The following ATP9A variants were observed in gnomAD, a reference collection of about 807,000 sequenced individuals.
ATP9A encodes the protein probable phospholipid-transporting ATPase IIA.
ATP9A carries 52 observed loss-of-function variants against 144.1 expected under a neutral mutation model. The ratio of observed to expected loss-of-function variants is 0.36; its 90% CI spans 0.29 to 0.45. ATP9A has a LOEUF of 0.45. Ranked by LOEUF, ATP9A falls within the 20% of genes least tolerant of loss-of-function variation. The probability of loss-of-function intolerance (pLI) is 1.00; values close to 1 mark genes in which losing one functional copy is unlikely to be tolerated. For missense variants in ATP9A, 947 were observed against 1,392.7 expected, an observed-to-expected ratio of 0.68 and a Z score of 5.09; for synonymous variants, 582 against 557.4, an observed-to-expected ratio of 1.04 and a Z score of -0.62.
intron 1 of ATP9A, chr20:51,734,753 CAAG>C (rs1568841561): frequency 9.5e-6 from 2 of 211,206 alleles, no homozygotes; most frequent in East Asian, 1.1e-4. Context: ...CCAAGAAGTA[CAAG>C]AAGAAGTGCA....
At chr20:51,688,028 A>G (rs2077531143) in intron 9 of ATP9A, among the ~76,000 whole-genome samples, 1 of 152,240 alleles carries the variant, frequency 6.6e-6, no homozygotes, top group South Asian at 2.1e-4. Flanking sequence ...CCTAGGTTCA[A>G]GTTCCAACTC....
intron 14 of ATP9A, among the ~76,000 whole-genome samples, chr20:51,649,134 A>G (rs1056737943): frequency 2.0e-5 from 3 of 152,134 alleles, no homozygotes; most frequent in Admixed American, 2.0e-4. Flanking sequence ...GTGTCTGAAC[A>G]TTACCTCCAA....
intron 23 of ATP9A, among the ~76,000 whole-genome samples, chr20:51,610,996 C>T (rs1450601047): frequency 6.6e-6 from 1 of 152,282 alleles, no homozygotes; most frequent in Non-Finnish European, 1.5e-5. Context: ...AGGCTTGAAG[C>T]TCTGTTAGCT....
chr20:51,682,836 A>G (rs1186763593), intron 9 of ATP9A, among the ~76,000 whole-genome samples: 3 of 145,096 alleles, frequency 2.1e-5, no homozygotes, highest in African/African-American at 7.7e-5. Flanking sequence ...CAGGTGATCC[A>G]GCCGCATTGG....
At chr20:51,725,532 C>G (rs2077708398) in intron 3 of ATP9A, among the ~76,000 whole-genome samples, 1 of 152,184 alleles carries the variant, frequency 6.6e-6, no homozygotes, top group African/African-American at 2.4e-5. Context: ...AGAGTCTAGA[C>G]TTGTGCCATA....
intron 10 of ATP9A, among the ~76,000 whole-genome samples, chr20:51,675,617 C>T (rs183765124): frequency 8.5e-5 from 13 of 152,322 alleles, no homozygotes; most frequent in African/African-American, 1.7e-4. Context: ...CCATGGCTCA[C>T]GCCTGTAATC....
intron 4 of ATP9A, among the ~76,000 whole-genome samples, chr20:51,698,533 T>C (rs2077579897): frequency 6.6e-6 from 1 of 152,054 alleles, no homozygotes. Context: ...CCAGACAGCA[T>C]TTACTGAACG....
chr20:51,704,959 A>G (rs1234659216), intron 4 of ATP9A, among the ~76,000 whole-genome samples: 1 of 152,186 alleles, frequency 6.6e-6, no homozygotes, highest in East Asian at 1.9e-4. Context: ...TGAGGTCCTT[A>G]GTGAAGGATC....
At chr20:51,626,733 C>T (rs940867242) in intron 17 of ATP9A, among the ~76,000 whole-genome samples, 1 of 151,530 alleles carries the variant, frequency 6.6e-6, no homozygotes, top group African/African-American at 2.4e-5. Flanking sequence ...ATACCATATG[C>T]CAAGGACTAT....
intron 1 of ATP9A, among the ~76,000 whole-genome samples, chr20:51,731,240 G>A (rs2077739782): frequency 1.3e-5 from 2 of 151,664 alleles, no homozygotes; most frequent in Non-Finnish European, 2.9e-5. Context: ...GTAGGCGGAG[G>A]TTGCAGTGAG....
At chr20:51,630,576 C>T (rs1315522608) in intron 15 of ATP9A, among the ~76,000 whole-genome samples, 1 of 152,060 alleles carries the variant, frequency 6.6e-6, no homozygotes, top group Non-Finnish European at 1.5e-5. Flanking sequence ...GTGGTGCATG[C>T]CTGTAATCCC....
intron 4 of ATP9A, among the ~76,000 whole-genome samples, chr20:51,700,171 G>A (rs1253592016): frequency 6.6e-6 from 1 of 152,054 alleles, no homozygotes; most frequent in Non-Finnish European, 1.5e-5. Context: ...TTATGTCTTG[G>A]GCTTTGGTCA....
chr20:51,706,544 T>C (rs1263713076), intron 4 of ATP9A, among the ~76,000 whole-genome samples: 2 of 152,348 alleles, frequency 1.3e-5, no homozygotes, highest in East Asian at 3.9e-4. Flanking sequence ...GAGGATTGCT[T>C]GAGCCCAGGA....
chr20:51,689,900 CAGG>C (rs1201323968), intron 8 of ATP9A, among the ~76,000 whole-genome samples: 6 of 149,608 alleles, frequency 4.0e-5, no homozygotes, highest in South Asian at 2.1e-4. Context: ...CACCTGAGGT[CAGG>C]AGTTCAAGAC....
intron 13 of ATP9A, among the ~76,000 whole-genome samples, chr20:51,669,350 CT>C (rs2077446517): frequency 6.6e-6 from 1 of 152,178 alleles, no homozygotes. Flanking sequence ...AATACTTTCT[CT>C]GAAAAGTGAC....
chr20:51,602,282 C>T (rs1484511777), intron 27 of ATP9A, among the ~76,000 whole-genome samples: 1 of 152,152 alleles, frequency 6.6e-6, no homozygotes, highest in East Asian at 1.9e-4. Flanking sequence ...CCAGAATAAG[C>T]CCCTTCTCCA....
chr20:51,644,888 A>C (rs898504404), intron 14 of ATP9A, among the ~76,000 whole-genome samples: 11 of 152,142 alleles, frequency 7.2e-5, no homozygotes, highest in African/African-American at 2.4e-4. Flanking sequence ...GGCTTCCAGG[A>C]GATACACTAA....
rs1200977513 is a variant in ATP9A at position 51,729,849 on chromosome 20, G to A, written c.198C>T (p.Phe66=). 1 of 1,589,556 alleles carries A rather than the reference G, an allele frequency of 6.3e-7. No individual in the cohort carries two copies. Among genetic ancestry groups the A allele is most frequent in the Non-Finnish European group, 8.5e-7 (1 of 1,172,194 alleles). ...CTGCACGTACCCCAGGAAGAAAGGT[G>A]AAGAAATTGTACTTCTGATTGTTGA... ...NVINNQKYNF[F]TFLPGVLFNQ... is the part of the protein sequence containing the mutation. Residue 66 remains phenylalanine, a synonymous_variant, in exon 2 of 28, where the codon TTC becomes TTT. Coordinates refer to ENST00000338821, the MANE Select transcript of ATP9A (RefSeq NM_006045.3).
At chr20:51,634,855 C>CAGAAAAAAAA (rs2077284342) in intron 15 of ATP9A, among the ~76,000 whole-genome samples, 1 of 109,852 alleles carries the variant, frequency 9.1e-6, no homozygotes, top group Non-Finnish European at 1.8e-5. Flanking sequence ...AACTCCATCT[C>CAGAAAAAAAA]AAAAAAAAAA....
Sources: allele counts gnomAD v4.1 joint callset (sites outside exome capture counted in the v4.1 genomes callset), GRCh38; gene constraint gnomAD v4.1.1; transcripts MANE v1.5; gene names NCBI Gene and HGNC (gene_info 2026-07-23, HGNC 2026-07-21).